Variants in DPYSL2 observed in about 807,000 individuals in gnomAD.
DPYSL2 encodes the protein dihydropyrimidinase-related protein 2.
In DPYSL2, 13 loss-of-function variants were observed where a neutral mutation model predicts 69.9. The observed-to-expected ratio is 0.19, with a 90% CI of 0.12 to 0.30. The LOEUF (loss-of-function observed/expected upper bound fraction) is 0.30, where lower values mean the gene tolerates loss of function less well. DPYSL2 is among the 10% of genes least tolerant of loss of function. DPYSL2 has a pLI of 1.00. For synonymous variants in DPYSL2, 326 were observed against 359.1 expected (o/e 0.91, Z 1.04); for missense variants, 587 against 918.9 (o/e 0.64, Z 4.67).
chr8:26,528,987 G>A (rs1800438624), intron 1 of DPYSL2, among the ~76,000 whole-genome samples: 1 of 152,160 alleles, frequency 6.6e-6, no homozygotes, highest in South Asian at 2.1e-4. Context: ...CCTGAAGGAG[G>A]AGGATGGAGT....
intron 1 of DPYSL2, among the ~76,000 whole-genome samples, chr8:26,535,163 C>T (rs1800570992): frequency 6.6e-6 from 1 of 152,218 alleles, no homozygotes; most frequent in Non-Finnish European, 1.5e-5. Flanking sequence ...ACTTCTTCCA[C>T]ATTGCAGACT....
intron 1 of DPYSL2, among the ~76,000 whole-genome samples, chr8:26,572,506 T>G (rs1801254406): frequency 6.6e-6 from 1 of 152,056 alleles, no homozygotes. Flanking sequence ...TAAGACTTTT[T>G]TGTTTGTTTT....
chr8:26,514,696 G>C lies in DPYSL2; in HGVS notation c.354+17G>C. On this transcript the variant is annotated intron_variant, in intron 1 of 13. Transcript: ENST00000521913. This position sits in a 1 kb window ranked among gnomAD's most constrained non-coding sequence, Gnocchi z 8.4. ...AACGACCAGGTCGGTGTGGGGGTTG[G>C]GGGTGGAGACGGAGGACGGGGCGCG... 7.2e-7 allele frequency: 1 copy of C among 1,382,998 alleles called. No homozygotes were observed. The highest frequency in any genetic ancestry group is 9.3e-7 in the Non-Finnish European group (1 of 1,072,062). 85.7% of individuals were successfully genotyped at this position (1,382,998 alleles called of 1,614,324 possible).
In DPYSL2 at chr8:26,591,774, G is replaced by T. The variant is rs915430664; in HGVS notation, c.628+7791G>T. On this transcript the variant is annotated intron_variant, in intron 3 of 13. Coordinates refer to ENST00000521913, the MANE Select transcript of DPYSL2 (RefSeq NM_001197293.3). This position sits in a 1 kb window ranked among gnomAD's most constrained non-coding sequence, Gnocchi z 5.8. ...TTCTCTTTGTCATCCCCCCATGGCAGCCCCTCTGCCTCTGGAGAATCCCAG... is the reference window on the plus strand; with the variant it reads ...TTCTCTTTGTCATCCCCCCATGGCATCCCCTCTGCCTCTGGAGAATCCCAG... 1.6e-4 allele frequency among the ~76,000 whole-genome samples: 24 copies of T among 152,120 alleles called. No homozygotes were observed. The highest frequency in any genetic ancestry group is 2.2e-4 in the Non-Finnish European group (15 of 68,020).
intron 1 of DPYSL2, among the ~76,000 whole-genome samples, chr8:26,530,834 C>T (rs941936696): frequency 1.3e-5 from 2 of 152,136 alleles, no homozygotes; most frequent in East Asian, 3.9e-4. Context: ...CTGCTACCTC[C>T]TTTGCAAAGT....
rs893119668 is a variant in DPYSL2, at chr8:26,516,654, TACTC to T, written c.354+1977_354+1980del. 2.0e-5 allele frequency among the ~76,000 whole-genome samples: 3 copies of T among 152,106 alleles called. No individual in the cohort carries two copies. Among genetic ancestry groups the T allele is most frequent in the Admixed American group, 6.6e-5 (1 of 15,264 alleles). On this transcript the variant is annotated intron_variant, in intron 1 of 13. Coordinates refer to ENST00000521913, the MANE Select transcript of DPYSL2 (RefSeq NM_001197293.3). The surrounding 1 kb of genome is among the most constrained non-coding windows in gnomAD (Gnocchi z 4.8). ...CAGAGGGGGAGATTTGAAGAGAAAA[TACTC>T]AAACAAACTGCAAGGGAGTTTTAGA...
Position 26,514,412 on chromosome 8 carries a change from G to T in DPYSL2, c.87G>T (p.Lys29Asn). The change falls in exon 1 of 14, where the codon AAG becomes AAT. Residue 29 changes from lysine to asparagine, a missense_variant. Around this residue, in one of 3 missense-constraint regions of DPYSL2, gnomAD observed 50 missense variants for 86.8 expected, o/e 0.58. Transcript: ENST00000521913. The surrounding 1 kb of genome is among the most constrained non-coding windows in gnomAD (Gnocchi z 8.4). ...AAAACCTGGGCTCCGGCAGCCCCAAGCCCCGGCAGAAATTCTGTGGCATGT... is the reference window on the plus strand; with the variant it reads ...AAAACCTGGGCTCCGGCAGCCCCAATCCCCGGCAGAAATTCTGTGGCATGT... ...FFKNLGSGSP[K>N]PRQKFCGMFC... is the part of the protein sequence containing the mutation. 6.6e-7 allele frequency: 1 copy of T among 1,518,222 alleles called. No individual in the cohort carries two copies. The highest frequency in any genetic ancestry group is 8.8e-7 in the Non-Finnish European group (1 of 1,139,526). 94.0% of individuals were successfully genotyped at this position (1,518,222 alleles called of 1,614,324 possible).
rs1162198960 is a variant in DPYSL2 at position 26,641,137 on chromosome 8, C to T, written c.1127-2302C>T. Among the ~76,000 whole-genome samples, 1 of 152,184 alleles carries T rather than the reference C, an allele frequency of 6.6e-6. No homozygotes were observed. The highest frequency in any genetic ancestry group is 1.5e-5 in the Non-Finnish European group (1 of 68,022). ...CTCCTTGTACTTAAGTTTCTAGAGG[C>T]AGGGCCGAGGAGCAGGCACAGGGAG... On this transcript the variant is annotated intron_variant, in intron 8 of 13. Coordinates refer to ENST00000521913, the MANE Select transcript of DPYSL2 (RefSeq NM_001197293.3). This position sits in a 1 kb window ranked among gnomAD's most constrained non-coding sequence, Gnocchi z 4.1.
intron 1 of DPYSL2, chr8:26,577,994 T>C (rs1801397382): frequency 2.4e-5 from 1 of 40,860 alleles, no homozygotes; most frequent in African/African-American, 1.2e-4. Flanking sequence ...TCTCTCTCCT[T>C]CTCTCTCTCT....
chr8:26,625,790 G>C (rs953412944), intron 4 of DPYSL2, among the ~76,000 whole-genome samples: 1 of 152,140 alleles, frequency 6.6e-6, no homozygotes, highest in Non-Finnish European at 1.5e-5. Flanking sequence ...AGACTTGTTT[G>C]GTAGAGGCAG....
chr8:26,657,158 C>T lies in DPYSL2; in HGVS notation c.*1452C>T, dbSNP rs1232360748. 2.0e-5 allele frequency: 3 copies of T among 152,398 alleles called. No individual in the cohort carries two copies. Among genetic ancestry groups the T allele is most frequent in the Non-Finnish European group, 4.4e-5 (3 of 68,026 alleles). 9.4% of individuals were successfully genotyped at this position (152,398 alleles called of 1,614,324 possible). A position where few individuals can be genotyped will look rare whatever the true frequency, so the allele number is the denominator to read the frequency against. On this transcript the variant is annotated 3_prime_UTR_variant, in exon 14 of 14. Coordinates refer to ENST00000521913, the MANE Select transcript of DPYSL2 (RefSeq NM_001197293.3). ...ATTGGGAAACTTAAAGTCTATTCTA[C>T]TTTGCAAGAGGAGAAATGTGTTTTA...
In DPYSL2 at chr8:26,584,341, A is replaced by G. The variant is rs531925453; in HGVS notation, c.628+358A>G. Among the ~76,000 whole-genome samples the G allele has an allele frequency of 2.6e-5, 4 of 152,306 alleles. No individual in the cohort carries two copies. In the South Asian group the frequency reaches 8.3e-4, roughly 32 times the overall value. On this transcript the variant is annotated intron_variant, in intron 3 of 13. Transcript: ENST00000521913. ...TGCCACCAACTTTAAGCCATTGAGC[A>G]TAAGTATTTGATTGAGATTTTCAGA...
At chr8:26,583,138 AT>A (rs1374907885) in intron 2 of DPYSL2, among the ~76,000 whole-genome samples, 3 of 152,208 alleles carry the variant, frequency 2.0e-5, no homozygotes, top group Non-Finnish European at 2.9e-5. Flanking sequence ...CTAGATTAAT[AT>A]TCCTTTTAAA....
intron 7 of DPYSL2, among the ~76,000 whole-genome samples, chr8:26,632,237 C>T (rs1005459959): frequency 1.3e-5 from 2 of 152,142 alleles, no homozygotes; most frequent in East Asian, 3.9e-4. Flanking sequence ...ACTGAGCCTG[C>T]GTGACAATCC....
Position 26,643,498 on chromosome 8 carries a change from T to C in DPYSL2, c.1186T>C (p.Trp396Arg), listed in dbSNP as rs1229509463. 6.2e-7 allele frequency: 1 copy of C among 1,613,350 alleles called. No homozygotes were observed. The highest frequency in any genetic ancestry group is 1.7e-5 in the Admixed American group (1 of 59,938). Residue 396 changes from tryptophan (W) to arginine (R), a missense_variant, in exon 9 of 14, where the codon TGG becomes CGG. By Grantham distance (101) the Trp-to-Arg change is moderately radical. Around this residue, in one of 3 missense-constraint regions of DPYSL2, gnomAD observed 452 missense variants for 754.3 expected, o/e 0.60. Coordinates refer to ENST00000521913, the MANE Select transcript of DPYSL2 (RefSeq NM_001197293.3). This position sits in a 1 kb window ranked among gnomAD's most constrained non-coding sequence, Gnocchi z 6.5. ...ASLGTDGSHY[W>R]SKNWAKAAAF... ...CTTGGGAACGGACGGCTCCCATTAC[T>C]GGAGCAAGAACTGGGCCAAGGCTGC... is the stretch of plus-strand genomic sequence containing the variant.
chr8:26,575,397 T>C (rs762428441), intron 1 of DPYSL2, among the ~76,000 whole-genome samples: 1 of 152,188 alleles, frequency 6.6e-6, no homozygotes, highest in African/African-American at 2.4e-5. Flanking sequence ...TGGAAGATTC[T>C]CCTCGGCCCT....
At chr8:26,595,726 C>T (rs1801846596) in intron 3 of DPYSL2, among the ~76,000 whole-genome samples, 1 of 152,186 alleles carries the variant, frequency 6.6e-6, no homozygotes, top group African/African-American at 2.4e-5. Context: ...TAGGGCCTAC[C>T]ATGCCCAGCA....
chr8:26,627,808 T>C lies in DPYSL2; in HGVS notation c.937-64T>C, dbSNP rs1423408392. ...GCCCGGATAACTGCATGCCCGGGCC[T>C]CTGCCATCAGAGCTGTGCAAAATCC... On this transcript the variant is annotated intron_variant, in intron 6 of 13. Coordinates refer to ENST00000521913, the MANE Select transcript of DPYSL2 (RefSeq NM_001197293.3). This position sits in a 1 kb window ranked among gnomAD's most constrained non-coding sequence, Gnocchi z 6.9. The C allele has an allele frequency of 6.5e-7, 1 of 1,543,740 alleles. No homozygotes were observed. The highest frequency in any genetic ancestry group is 1.4e-5 in the African/African-American group (1 of 73,392).
chr8:26,595,248 G>A (rs1801833188), intron 3 of DPYSL2, among the ~76,000 whole-genome samples: 1 of 151,852 alleles, frequency 6.6e-6, no homozygotes, highest in African/African-American at 2.4e-5. Flanking sequence ...GTAGCTTATA[G>A]GGCTTATAAT....
Sources: allele counts gnomAD v4.1 joint callset (sites outside exome capture counted in the v4.1 genomes callset), GRCh38; gene constraint gnomAD v4.1.1; regional missense constraint gnomAD v4.1.1; non-coding constraint Gnocchi (gnomAD v3.1); transcripts MANE v1.5; gene names NCBI Gene and HGNC (gene_info 2026-07-23, HGNC 2026-07-21).